NRXN3: variants seen among roughly 807,000 people sequenced by gnomAD.
NRXN3 encodes the protein neurexin 3, also known as neurexin III.
In NRXN3, 32 loss-of-function variants were observed where a neutral mutation model predicts 137.6. The ratio of observed to expected loss-of-function variants is 0.23; its 90% CI spans 0.18 to 0.31. The LOEUF (loss-of-function observed/expected upper bound fraction) is 0.31. NRXN3 is among the 10% of genes least tolerant of loss of function. The pLI is 1.00. For missense variants in NRXN3, 1,574 were observed against 2,062.5 expected (o/e 0.76, Z 4.59); for synonymous variants, 798 against 784.5 (o/e 1.02, Z -0.29).
intron 15 of NRXN3, among the ~76,000 whole-genome samples, chr14:79,451,909 A>G (rs2096178912): frequency 6.6e-6 from 1 of 152,154 alleles, no homozygotes; most frequent in Non-Finnish European, 1.5e-5. Flanking sequence ...TGTGTCTGGG[A>G]TCTCGGGAAG....
chr14:79,625,221 T>C (rs1465140833), intron 16 of NRXN3, among the ~76,000 whole-genome samples: 1 of 152,224 alleles, frequency 6.6e-6, no homozygotes, highest in Non-Finnish European at 1.5e-5. Flanking sequence ...TGCCATTTAA[T>C]ATGTACATCT....
Position 79,533,699 on chromosome 14 carries a change from A to G in NRXN3, c.3444+66297A>G, listed in dbSNP as rs113588225. ...TGTCTGGGGTAAGGTTCAAAATTGC[A>G]TAAACTTCCTTGCCCCACAAATCAC... is the stretch of plus-strand genomic sequence containing the variant. On this transcript the variant is annotated intron_variant, in intron 16 of 20. Transcript: ENST00000335750. Among the ~76,000 whole-genome samples, 1,466 of 152,284 alleles carry G rather than the reference A, an allele frequency of 9.6e-3. 21 individuals carry two copies. Among genetic ancestry groups the G allele is most frequent in the African/African-American group, 0.034 (1,409 of 41,562 alleles).
intron 19 of NRXN3, among the ~76,000 whole-genome samples, chr14:79,737,014 C>G (rs961888360): frequency 2.6e-5 from 4 of 152,214 alleles, no homozygotes; most frequent in Non-Finnish European, 5.9e-5. Context: ...ATCCTCTTAG[C>G]TATTTGATGT....
chr14:79,271,317 T>A (rs1371327762), intron 15 of NRXN3, among the ~76,000 whole-genome samples: 3 of 152,186 alleles, frequency 2.0e-5, no homozygotes, highest in African/African-American at 7.2e-5. Flanking sequence ...AACCCATTCC[T>A]TGGAAATAAA....
chr14:78,176,854 G>T (rs2059320074), intron 1 of NRXN3, among the ~76,000 whole-genome samples: 1 of 152,058 alleles, frequency 6.6e-6, no homozygotes, highest in South Asian at 2.1e-4. Flanking sequence ...TGAGGTCTTG[G>T]TGGGGCAGGT....
chr14:79,125,513 A>C lies in NRXN3; in HGVS notation c.3262+137372A>C, dbSNP rs116455878. On this transcript the variant is annotated intron_variant, in intron 15 of 20. Transcript: ENST00000335750. ...TTGCAGGAAGCATTCTCCTCCCTTC[A>C]TGATTTTTGTGCATAGGTAAGCACC... Among the ~76,000 whole-genome samples, 1,416 of 152,232 alleles carry C rather than the reference A, an allele frequency of 9.3e-3. 24 individuals carry two copies. The highest frequency in any genetic ancestry group is 0.031 in the African/African-American group (1,291 of 41,550).
At position 78,623,949 on chromosome 14, in the gene NRXN3, A is replaced by G. The variant is rs548739769; in HGVS notation, c.758-21171A>G. ...AGTAGATACCATTTTCTATAGTAGC[A>G]CTACCCCTTACCATCCGACTAGAAG... On this transcript the variant is annotated intron_variant, in intron 4 of 20. Coordinates refer to ENST00000335750, the MANE Select transcript of NRXN3 (RefSeq NM_001330195.2). Among the ~76,000 whole-genome samples, 15 of 152,330 alleles carry G rather than the reference A, an allele frequency of 9.8e-5. No homozygotes were observed. In the East Asian group the frequency reaches 2.7e-3, roughly 27 times the overall value.
chr14:78,926,720 A>C (rs1431005346), intron 10 of NRXN3, among the ~76,000 whole-genome samples: 5 of 78,440 alleles, frequency 6.4e-5, no homozygotes. Context: ...ATATTATATA[A>C]TTATATATAA....
At chr14:79,583,115 T>C (rs535859880) in intron 16 of NRXN3, among the ~76,000 whole-genome samples, 2 of 152,326 alleles carry the variant, frequency 1.3e-5, no homozygotes, top group African/African-American at 4.8e-5. Context: ...CTGATTTCAG[T>C]ACAATACATC....
chr14:78,247,745 G>A (rs1418763292), intron 2 of NRXN3, among the ~76,000 whole-genome samples: 2 of 152,140 alleles, frequency 1.3e-5, no homozygotes, highest in East Asian at 1.9e-4. Flanking sequence ...TCCAGAGAGC[G>A]GTCCCCTCAC....
At chr14:78,783,089 C>G (rs2098775772) in intron 8 of NRXN3, among the ~76,000 whole-genome samples, 1 of 152,084 alleles carries the variant, frequency 6.6e-6, no homozygotes, top group East Asian at 1.9e-4. Flanking sequence ...AGTATTTTCT[C>G]TAATACATGT....
chr14:78,250,465 GGTGGTA>G (rs1445025398), intron 2 of NRXN3, among the ~76,000 whole-genome samples: 2 of 152,176 alleles, frequency 1.3e-5, no homozygotes, highest in African/African-American at 4.8e-5. Context: ...CAGTCTGAAA[GGTGGTA>G]GAGATAAAAG....
intron 15 of NRXN3, among the ~76,000 whole-genome samples, chr14:79,460,796 T>C (rs1425290980): frequency 2.6e-5 from 4 of 152,218 alleles, no homozygotes; most frequent in African/African-American, 9.6e-5. Flanking sequence ...ACTTAACTGT[T>C]AGGCAATGTT....
intron 10 of NRXN3, among the ~76,000 whole-genome samples, chr14:78,915,870 G>C (rs1238697758): frequency 6.6e-6 from 1 of 152,130 alleles, no homozygotes; most frequent in Non-Finnish European, 1.5e-5. Context: ...AGACACTCAA[G>C]AGAGTGTCTT....
chr14:78,484,623 G>A (rs1156377880), intron 4 of NRXN3, among the ~76,000 whole-genome samples: 1 of 152,168 alleles, frequency 6.6e-6, no homozygotes, highest in Non-Finnish European at 1.5e-5. Flanking sequence ...GGAACATGGA[G>A]CTTGAAGATG....
rs1212676736 is a variant in NRXN3, at chr14:79,467,189, C to T, written c.3263-32C>T. 2.7e-5 allele frequency: 43 copies of T among 1,576,108 alleles called. No individual in the cohort carries two copies. In the Admixed American group the frequency reaches 7.1e-4, roughly 26 times the overall value. On this transcript the variant is annotated intron_variant, in intron 15 of 20. Transcript: ENST00000335750. ...CAGCTGGCTGTATGCAATGTAGTGC[C>T]TTGATGTCTCCCTCTCTCCTTGCTT...
At chr14:78,585,497 A>G (rs1234363915) in intron 4 of NRXN3, among the ~76,000 whole-genome samples, 2 of 152,166 alleles carry the variant, frequency 1.3e-5, no homozygotes, top group Non-Finnish European at 1.5e-5. Flanking sequence ...CGGAGTGTGG[A>G]TAGAAATTTA....
At chr14:78,380,883 G>T (rs879657919) in intron 4 of NRXN3, among the ~76,000 whole-genome samples, 3 of 151,762 alleles carry the variant, frequency 2.0e-5, no homozygotes, top group Non-Finnish European at 2.9e-5. Flanking sequence ...GAATGCCATG[G>T]GAGAAATGAG....
intron 16 of NRXN3, among the ~76,000 whole-genome samples, chr14:79,525,865 A>G (rs73324255): frequency 1.3e-5 from 2 of 152,092 alleles, no homozygotes; most frequent in Admixed American, 6.6e-5. Flanking sequence ...GTGCAGGGTT[A>G]TTAGGAGCTT....
Sources: gnomAD v4.1 joint callset for allele counts (sites outside exome capture counted in the v4.1 genomes callset) on GRCh38, gnomAD v4.1.1 for gene constraint, MANE v1.5 for transcripts, NCBI Gene and HGNC (gene_info 2026-07-23, HGNC 2026-07-21) for gene names.